ADAMTSL3: variants seen among roughly 807,000 people sequenced by gnomAD.
The protein encoded by ADAMTSL3 is ADAMTS-like protein 3.
ADAMTSL3 carries 128 observed loss-of-function variants against 201.7 expected under a neutral mutation model. That is an observed-to-expected ratio of 0.63 (90% confidence interval 0.55 to 0.73). The LOEUF is 0.73. Among genes scored for constraint, ADAMTSL3 ranks in the 30% least tolerant of loss-of-function variants. The probability of loss-of-function intolerance (pLI) is 0.00; values close to 1 mark genes in which losing one functional copy is unlikely to be tolerated. For synonymous variants in ADAMTSL3, 738 were observed against 748.4 expected (o/e 0.99, Z 0.23); for missense variants, 1,990 against 2,119.6 (o/e 0.94, Z 1.20).
intron 9 of ADAMTSL3, among the ~76,000 whole-genome samples, chr15:83,882,081 G>A (rs536393646): frequency 2.2e-4 from 34 of 152,156 alleles, no homozygotes; most frequent in South Asian, 4.2e-4. Context: ...GTGTGAACCC[G>A]GGAGGCAGAG....
intron 3 of ADAMTSL3, among the ~76,000 whole-genome samples, chr15:83,708,355 T>C (rs1334686712): frequency 6.6e-6 from 1 of 152,224 alleles, no homozygotes; most frequent in East Asian, 1.9e-4. Flanking sequence ...TGGGCGCATT[T>C]CATGAAGACC....
chr15:83,842,148 T>C (rs2064392773), intron 7 of ADAMTSL3, among the ~76,000 whole-genome samples: 1 of 149,740 alleles, frequency 6.7e-6, no homozygotes, highest in Admixed American at 6.6e-5. Context: ...CTGGAAAAAA[T>C]GGATCACACA....
intron 2 of ADAMTSL3, among the ~76,000 whole-genome samples, chr15:83,672,444 C>T (rs113490451): frequency 6.6e-6 from 1 of 152,146 alleles, no homozygotes; most frequent in Non-Finnish European, 1.5e-5. Context: ...CTCTTCCTGC[C>T]TGGATGGGTA....
Position 83,942,719 on chromosome 15 carries a change from G to C in ADAMTSL3, c.2241G>C (p.Lys747Asn). Residue 747 changes from lysine (K) to asparagine (N), a missense_variant, in exon 18 of 30, where the codon AAG (lysine) becomes AAC (asparagine). By Grantham distance (94) the Lys-to-Asn change is moderately conservative. Coordinates refer to ENST00000286744, the MANE Select transcript of ADAMTSL3 (RefSeq NM_207517.3). ...CTCCTGAGGAGTGCCGAGATGAAAAGCCCCATGCTTTACAAGCATGCAATC... is the reference window on the plus strand; with the variant it reads ...CTCCTGAGGAGTGCCGAGATGAAAACCCCCATGCTTTACAAGCATGCAATC... ...PAPPEECRDE[K>N]PHALQACNQF... 6.2e-7 allele frequency: 1 copy of C among 1,613,968 alleles called. No homozygotes were observed.
chr15:83,815,304 T>C (rs4375628), intron 5 of ADAMTSL3, among the ~76,000 whole-genome samples: 13,078 of 152,248 alleles, frequency 0.086, 712 homozygotes, highest in Admixed American at 0.18. Flanking sequence ...CTACTTAAAG[T>C]CTACAAATAC....
chr15:83,744,086 G>A (rs953888668), intron 3 of ADAMTSL3, among the ~76,000 whole-genome samples: 1 of 151,996 alleles, frequency 6.6e-6, no homozygotes, highest in Admixed American at 6.6e-5. Context: ...TCCTGACCTC[G>A]TGATCTGCCT....
At chr15:83,804,573 C>CTT (rs59422343) in intron 4 of ADAMTSL3, 77 bp from the exon 5 acceptor site, 1,142 of 654,632 alleles carry the variant, frequency 1.7e-3, no homozygotes, top group South Asian at 2.3e-3. Flanking sequence ...CTTGTATTTG[C>CTT]TTTTTTTTTT....
intron 19 of ADAMTSL3, among the ~76,000 whole-genome samples, chr15:83,961,326 C>T (rs543241540): frequency 8.6e-5 from 13 of 151,802 alleles, no homozygotes; most frequent in South Asian, 6.3e-4. Context: ...ATATGGAAGA[C>T]GGACAAAGGA....
At chr15:83,948,411 T>TACACACACACACACACACACAC (rs72124987) in intron 19 of ADAMTSL3, among the ~76,000 whole-genome samples, 2 of 145,740 alleles carry the variant, frequency 1.4e-5, no homozygotes, top group African/African-American at 5.1e-5. Flanking sequence ...AAAGCTTATT[T>TACACACACACACACACACACAC]ACACACACAC....
At chr15:83,919,820 G>A (rs1357032604) in intron 16 of ADAMTSL3, among the ~76,000 whole-genome samples, 3 of 152,150 alleles carry the variant, frequency 2.0e-5, no homozygotes, top group Non-Finnish European at 2.9e-5. Context: ...AAGCACAGTC[G>A]TGGAGATTGG....
intron 6 of ADAMTSL3, among the ~76,000 whole-genome samples, chr15:83,828,804 T>C (rs978144755): frequency 3.3e-5 from 5 of 152,152 alleles, no homozygotes; most frequent in African/African-American, 1.2e-4. Flanking sequence ...TTGTCTTTGT[T>C]TCTGTTTATA....
intron 3 of ADAMTSL3, among the ~76,000 whole-genome samples, chr15:83,720,494 A>G (rs1164562790): frequency 6.6e-6 from 1 of 152,220 alleles, no homozygotes; most frequent in Non-Finnish European, 1.5e-5. Flanking sequence ...ATTTATGAGT[A>G]TTCCATGAGG....
intron 8 of ADAMTSL3, among the ~76,000 whole-genome samples, chr15:83,865,494 C>G (rs2064956532): frequency 6.6e-6 from 1 of 152,038 alleles, no homozygotes; most frequent in Non-Finnish European, 1.5e-5. Flanking sequence ...ACAAACCCGA[C>G]AAAAACAAGA....
At chr15:83,911,483 TTCCCAATTC>T (rs1416460896) in intron 15 of ADAMTSL3, among the ~76,000 whole-genome samples, 2 of 152,194 alleles carry the variant, frequency 1.3e-5, no homozygotes, top group African/African-American at 4.8e-5. Context: ...ACCAGTCTCC[TTCCCAATTC>T]TACCATGAGA....
At chr15:83,749,797 A>C (rs1205264635) in intron 3 of ADAMTSL3, among the ~76,000 whole-genome samples, 1 of 152,200 alleles carries the variant, frequency 6.6e-6, no homozygotes, top group Non-Finnish European at 1.5e-5. Flanking sequence ...GGTCTCGAAA[A>C]GAGTCCTGGG....
chr15:83,695,815 A>G (rs2061680461), intron 2 of ADAMTSL3, among the ~76,000 whole-genome samples: 1 of 152,180 alleles, frequency 6.6e-6, no homozygotes, highest in Non-Finnish European at 1.5e-5. Context: ...TAAGACTGAA[A>G]AGTCTCATAA....
chr15:83,963,320 G>A (rs1308085755), intron 19 of ADAMTSL3, among the ~76,000 whole-genome samples: 1 of 152,208 alleles, frequency 6.6e-6, no homozygotes, highest in Non-Finnish European at 1.5e-5. Context: ...AGCTTGGTGG[G>A]GGAAGGGGCG....
At chr15:83,797,997 A>C (rs1337203232) in intron 4 of ADAMTSL3, among the ~76,000 whole-genome samples, 2 of 152,224 alleles carry the variant, frequency 1.3e-5, no homozygotes, top group Non-Finnish European at 2.9e-5. Context: ...TTGATCAATA[A>C]ATTTTGGTAT....
Position 83,827,038 on chromosome 15 carries a change from G to A in ADAMTSL3, c.600+6991G>A, listed in dbSNP as rs141271246. ...TGGGTATATACCCAGTAATAGGATGGCTGGGTCAAATGGTATTTCTAGTTC... is the reference window on the plus strand; with the variant it reads ...TGGGTATATACCCAGTAATAGGATGACTGGGTCAAATGGTATTTCTAGTTC... On this transcript the variant is annotated intron_variant, in intron 6 of 29. Transcript: ENST00000286744. Among the ~76,000 whole-genome samples the A allele has an allele frequency of 7.1e-3, 1,085 of 152,220 alleles. 17 individuals are homozygous for A. The highest frequency in any genetic ancestry group is 0.025 in the African/African-American group (1,040 of 41,532).
Sources: gnomAD v4.1 joint callset for allele counts (sites outside exome capture counted in the v4.1 genomes callset) on GRCh38, gnomAD v4.1.1 for gene constraint, MANE v1.5 for transcripts, NCBI Gene and HGNC (gene_info 2026-07-23, HGNC 2026-07-21) for gene names.